ERICH6B: variants seen among roughly 807,000 people sequenced by gnomAD.
ERICH6B encodes the protein glutamate-rich protein 6B.
A neutral mutation model predicts 80.0 loss-of-function variants in ERICH6B; 69 were observed. The ratio of observed to expected loss-of-function variants is 0.86; its 90% CI spans 0.71 to 1.05. The LOEUF (loss-of-function observed/expected upper bound fraction) is 1.05. Among genes scored for constraint, ERICH6B ranks in the 50% least tolerant of loss-of-function variants. ERICH6B has a pLI of 0.00. For missense variants in ERICH6B, 754 were observed against 796.1 expected (o/e 0.95, Z 0.64); for synonymous variants, 283 against 291.9 (o/e 0.97, Z 0.31).
chr13:45,571,961 C>G (rs1376738695), intron 8 of ERICH6B, among the ~76,000 whole-genome samples: 1 of 152,212 alleles, frequency 6.6e-6, no homozygotes, highest in East Asian at 1.9e-4. Flanking sequence ...GTCTCCAGAA[C>G]TATGATATAG....
chr13:45,606,527 ATATATATATATATATATATATTTTTTT>A lies in ERICH6B; in HGVS notation c.-59+1010_-59+1036del, dbSNP rs1566307759. 1.4e-3 allele frequency among the ~76,000 whole-genome samples: 44 copies of A among 31,934 alleles called. 2 individuals carry two copies. The highest frequency in any genetic ancestry group is 2.9e-3 in the Admixed American group (6 of 2,072). The allele number at this position is 31,934 out of a possible 152,430, so 20.9% of individuals were successfully genotyped here. Reference sequence around the variant, plus strand: ...TGTGTATATATATATATATATATATATATATATATATATATATATATTTTTTTTTTTTTTTTTTTTTTTGGAGACAGA... The same window carrying A: ...TGTGTATATATATATATATATATATATTTTTTTTTTTTTTTTGGAGACAGA... On this transcript the variant is annotated intron_variant, in intron 2 of 14. Transcript: ENST00000298738.
At chr13:45,561,647 TC>T in intron 10 of ERICH6B, 121 bp from the exon 11 acceptor site, 1 of 1,102,498 alleles carries the variant, frequency 9.1e-7, no homozygotes, top group Non-Finnish European at 1.3e-6. Flanking sequence ...CTGCCATTTT[TC>T]CCCAGTGAGG....
In ERICH6B at chr13:45,576,489, A is replaced by G. The variant is rs183388799; in HGVS notation, c.962-1559T>C. Among the ~76,000 whole-genome samples, 3 of 152,320 alleles carry G rather than the reference A, an allele frequency of 2.0e-5. No homozygotes were observed. In the East Asian group the frequency reaches 5.8e-4, roughly 29 times the overall value. ...AAACATTGAAGAAAACCCAGCAAGAATCCTTGGGAATTCAAGCAAGCACTG... is the reference window on the plus strand; with the variant it reads ...AAACATTGAAGAAAACCCAGCAAGAGTCCTTGGGAATTCAAGCAAGCACTG... On this transcript the variant is annotated intron_variant, in intron 7 of 14. Coordinates refer to ENST00000298738, the MANE Select transcript of ERICH6B (RefSeq NM_182542.3).
intron 1 of ERICH6B, among the ~76,000 whole-genome samples, chr13:45,615,243 G>C (rs1364236291): frequency 6.6e-6 from 1 of 152,184 alleles, no homozygotes; most frequent in Non-Finnish European, 1.5e-5. Context: ...TGGGCCACAG[G>C]AGTCGCTTCG....
intron 5 of ERICH6B, among the ~76,000 whole-genome samples, chr13:45,582,249 G>A (rs3014925): frequency 0.32 from 48,518 of 152,010 alleles, 8,828 homozygotes; most frequent in East Asian, 0.62. Context: ...GCCATTCCAG[G>A]GATGGCACTC....
At chr13:45,602,968 C>A (rs987138307) in intron 2 of ERICH6B, among the ~76,000 whole-genome samples, 1 of 152,256 alleles carries the variant, frequency 6.6e-6, no homozygotes, top group Middle Eastern at 3.4e-3. Context: ...CCGAGAAGCC[C>A]CACCATCTGC....
intron 11 of ERICH6B, among the ~76,000 whole-genome samples, chr13:45,551,251 G>T (rs374214843): frequency 1.3e-5 from 2 of 151,890 alleles, no homozygotes; most frequent in Admixed American, 1.3e-4. Context: ...CCAAGTTTTG[G>T]TTTGTTTATT....
At chr13:45,550,408 G>T in intron 11 of ERICH6B, 92 bp from the exon 12 acceptor site, 1 of 991,058 alleles carries the variant, frequency 1.0e-6, no homozygotes, top group Non-Finnish European at 1.5e-6. Flanking sequence ...CCATCTGCTT[G>T]CTCTCCGATG....
intron 1 of ERICH6B, among the ~76,000 whole-genome samples, chr13:45,612,621 T>C (rs946401079): frequency 6.6e-6 from 1 of 152,176 alleles, no homozygotes; most frequent in Admixed American, 6.5e-5. Flanking sequence ...ATGCTGTTAA[T>C]GCCCCATGTG....
intron 1 of ERICH6B, among the ~76,000 whole-genome samples, chr13:45,613,756 CTG>C (rs1949912397): frequency 6.6e-6 from 1 of 152,192 alleles, no homozygotes; most frequent in African/African-American, 2.4e-5. Context: ...ACAGAATAAG[CTG>C]TGTTATTAAA....
intron 5 of ERICH6B, among the ~76,000 whole-genome samples, chr13:45,583,582 C>T (rs1365012036): frequency 1.3e-5 from 2 of 152,196 alleles, no homozygotes; most frequent in Non-Finnish European, 1.5e-5. Flanking sequence ...ACCCAAATCT[C>T]ATCTTGAATT....
chr13:45,598,410 A>C (rs1876493732), intron 2 of ERICH6B, among the ~76,000 whole-genome samples: 1 of 152,192 alleles, frequency 6.6e-6, no homozygotes, highest in Non-Finnish European at 1.5e-5. Flanking sequence ...TTTATTCTGC[A>C]GGACAGGACA....
At chr13:45,545,113 G>A in intron 13 of ERICH6B, 128 bp from the exon 14 acceptor site, 1 of 790,356 alleles carries the variant, frequency 1.3e-6, no homozygotes, top group Non-Finnish European at 2.0e-6. Flanking sequence ...ATGGGTAGGA[G>A]AAGCTCCAAC....
intron 8 of ERICH6B, among the ~76,000 whole-genome samples, chr13:45,569,897 T>C (rs1875079958): frequency 6.6e-6 from 1 of 152,228 alleles, no homozygotes; most frequent in South Asian, 2.1e-4. Flanking sequence ...TTCCTGCCTC[T>C]AAATTCCTCA....
intron 1 of ERICH6B, among the ~76,000 whole-genome samples, chr13:45,612,237 T>C (rs1593331273): frequency 6.6e-6 from 1 of 152,168 alleles, no homozygotes; most frequent in Non-Finnish European, 1.5e-5. Context: ...CTTTCTTCTT[T>C]CCCTCTTTCC....
intron 1 of ERICH6B, among the ~76,000 whole-genome samples, chr13:45,609,769 T>TC (rs1949889054): frequency 6.6e-6 from 1 of 152,238 alleles, no homozygotes; most frequent in South Asian, 2.1e-4. Flanking sequence ...TTTTATGTAA[T>TC]CATACATCAC....
intron 11 of ERICH6B, 122 bp downstream of exon 11, chr13:45,561,247 T>C: frequency 1.0e-6 from 1 of 959,008 alleles, no homozygotes; most frequent in Non-Finnish European, 1.5e-6. Flanking sequence ...ATATCTTGGA[T>C]GCATTTTTGT....
In ERICH6B at chr13:45,580,669, T is replaced by A; in HGVS notation, c.857-4A>T. On this transcript the variant is annotated splice_polypyrimidine_tract_variant and splice_region_variant and intron_variant, in intron 5 of 14. Transcript: ENST00000298738. The stretch of plus-strand genomic sequence containing the variant: ...GATTTCGATTTTAAAGATTTTACTG[T>A]TAAAAGGCAGAAGAGGGTGGCTATT... 6.4e-7 allele frequency: 1 copy of A among 1,551,644 alleles called. No homozygotes were observed. The highest frequency in any genetic ancestry group is 8.7e-7 in the Non-Finnish European group (1 of 1,146,970).
Position 45,541,336 on chromosome 13 carries a change from A to G in ERICH6B, c.*126T>C, listed in dbSNP as rs1873762158. On this transcript the variant is annotated 3_prime_UTR_variant, in exon 15 of 15. Coordinates refer to ENST00000298738, the MANE Select transcript of ERICH6B (RefSeq NM_182542.3). ...AATGTTTACTTCAAATCAAGGAGCC[A>G]CGACAGGTCCCAAATTACAAACCAA... 1 of 797,108 alleles carries G rather than the reference A, an allele frequency of 1.3e-6. No homozygotes were observed. The highest frequency in any genetic ancestry group is 1.9e-5 in the South Asian group (1 of 53,480). 49.4% of individuals were successfully genotyped at this position (797,108 alleles called of 1,614,324 possible). A position where few individuals can be genotyped will look rare whatever the true frequency, so the allele number is the denominator to read the frequency against.
Sources: gnomAD v4.1 joint callset for allele counts (sites outside exome capture counted in the v4.1 genomes callset) on GRCh38, gnomAD v4.1.1 for gene constraint, MANE v1.5 for transcripts, NCBI Gene and HGNC (gene_info 2026-07-23, HGNC 2026-07-21) for gene names.